PPP4R3A: variants seen among roughly 807,000 people sequenced by gnomAD.
The protein encoded by PPP4R3A is serine/threonine-protein phosphatase 4 regulatory subunit 3A.
A neutral mutation model predicts 91.7 loss-of-function variants in PPP4R3A; 15 were observed. That is an observed-to-expected ratio of 0.16 (90% CI 0.11 to 0.25). The LOEUF is 0.25. Among genes scored for constraint, PPP4R3A ranks in the 10% least tolerant of loss-of-function variants. PPP4R3A has a pLI of 1.00. For synonymous variants in PPP4R3A, 377 were observed against 348.7 expected, an observed-to-expected ratio of 1.08 and a Z score of -0.91; for missense variants, 623 against 998.4, an observed-to-expected ratio of 0.62 and a Z score of 5.07.
At chr14:91,479,085 C>T (rs754442318) in intron 4 of PPP4R3A, among the ~76,000 whole-genome samples, 7 of 152,042 alleles carry the variant, frequency 4.6e-5, no homozygotes, top group East Asian at 1.9e-4. Flanking sequence ...TGGATTCAAG[C>T]GATTCTCCTG....
At chr14:91,464,218 G>A (rs1054539618) in intron 11 of PPP4R3A, among the ~76,000 whole-genome samples, 27 of 152,036 alleles carry the variant, frequency 1.8e-4, no homozygotes, top group African/African-American at 6.3e-4. Context: ...CTACTCTAGA[G>A]GCTGAGGCAG....
At chr14:91,466,175 C>CTTCAA (rs1429457420) in intron 10 of PPP4R3A, 4 of 958,022 alleles carry the variant, frequency 4.2e-6, no homozygotes, top group Non-Finnish European at 5.0e-6. Context: ...GACAGCTAGA[C>CTTCAA]TTCAACAAAG....
chr14:91,486,261 T>A (rs992317184), intron 2 of PPP4R3A, among the ~76,000 whole-genome samples: 10 of 151,220 alleles, frequency 6.6e-5, no homozygotes, highest in South Asian at 2.1e-4. Flanking sequence ...TTTTTTTTTT[T>A]AAACTTAGCA....
At chr14:91,463,914 C>T (rs986879669) in intron 11 of PPP4R3A, among the ~76,000 whole-genome samples, 1 of 152,196 alleles carries the variant, frequency 6.6e-6, no homozygotes, top group Non-Finnish European at 1.5e-5. Context: ...TTCTCCTACT[C>T]TCTACCCTCA....
rs947345947 is a variant in PPP4R3A at position 91,458,549 on chromosome 14, C to G, written c.*210G>C. The G allele has an allele frequency of 1.4e-6, 1 of 708,130 alleles. No individual in the cohort carries two copies. Among genetic ancestry groups the G allele is most frequent in the South Asian group, 1.5e-5 (1 of 64,872 alleles). The allele number at this position is 708,130 out of a possible 1,614,324, so 43.9% of individuals were successfully genotyped here. A position where few individuals can be genotyped will look rare whatever the true frequency, so the allele number is the denominator to read the frequency against. ...GCAATGTGTGGTCCAAGCTGGAGAG[C>G]TCAAAGGCTTAAGTCTTTCCCCTAA... On this transcript the variant is annotated 3_prime_UTR_variant, in exon 15 of 15. Transcript: ENST00000554943.
rs765751223 is a variant in PPP4R3A at position 91,509,487 on chromosome 14, C to T, written c.142+19G>A. 20 of 1,573,146 alleles carry T rather than the reference C, an allele frequency of 1.3e-5. 1 individual carries two copies. The highest frequency in any genetic ancestry group is 3.3e-4 in the Middle Eastern group (2 of 6,032). On this transcript the variant is annotated intron_variant, in intron 1 of 14. Coordinates refer to ENST00000554943, the MANE Select transcript of PPP4R3A (RefSeq NM_001366432.2). The stretch of plus-strand genomic sequence containing the variant: ...GCCGTGGGGGCTGCGAGGGTCCCGC[C>T]GCGCGGGGCTTCACTTACCGTCGCT...
rs966466405 is a variant in PPP4R3A at position 91,461,387 on chromosome 14, A to T, written c.2385T>A (p.Thr795=). Residue 795 remains threonine (T), a synonymous_variant, in exon 14 of 15, where the codon ACT becomes ACA. Transcript: ENST00000554943. ...PKNTSQTAAI[T]TKGGLVGLVD... ...ATGGGAGTCAAGAATGTACCTTTGT[A>T]GTAATAGCTGCCGTCTGAGATGTAT... is the stretch of plus-strand genomic sequence containing the variant. 1 of 1,605,568 alleles carries T rather than the reference A, an allele frequency of 6.2e-7. No individual in the cohort carries two copies. The highest frequency in any genetic ancestry group is 1.7e-5 in the Admixed American group (1 of 59,880).
At chr14:91,475,641 A>T (rs1046079440) in intron 7 of PPP4R3A, 170 bp downstream of exon 7, 2 of 562,438 alleles carry the variant, frequency 3.6e-6, no homozygotes, top group Non-Finnish European at 6.1e-6. Flanking sequence ...TAGTTGCTGT[A>T]GGACAAATTG....
chr14:91,475,054 CAG>C (rs1345275547), intron 7 of PPP4R3A: 1 of 151,880 alleles, frequency 6.6e-6, no homozygotes, highest in African/African-American at 2.4e-5. Context: ...GAATTCTAAA[CAG>C]ATTTTTTTTT....
intron 10 of PPP4R3A, chr14:91,466,566 C>T: frequency 2.6e-6 from 1 of 385,446 alleles, no homozygotes; most frequent in Non-Finnish European, 3.6e-6. Context: ...TTAAGAAACA[C>T]TCTGGGCAGG....
chr14:91,462,072 C>T lies in PPP4R3A; in HGVS notation c.2141G>A (p.Ser714Asn). 1 of 1,524,740 alleles carries T rather than the reference C, an allele frequency of 6.6e-7. No individual in the cohort carries two copies. The highest frequency in any genetic ancestry group is 1.3e-5 in the South Asian group (1 of 77,144). The allele number at this position is 1,524,740 out of a possible 1,614,324, so 94.5% of individuals were successfully genotyped here. Reference sequence around the variant, plus strand: ...ACATTTCTTCCTTTCCATGAATTTACTTATTGGATCCATAATATCATCATC... The same window carrying T: ...ACATTTCTTCCTTTCCATGAATTTATTTATTGGATCCATAATATCATCATC... ...KNDDDIMDPI[S>N]KFMERKKLKE... Residue 714 changes from serine to asparagine, a missense_variant, in exon 13 of 15, where the codon AGT (serine) becomes AAT (asparagine). Physicochemically the swap from Ser to Asn is conservative, Grantham distance 46. Transcript: ENST00000554943.
chr14:91,502,253 C>A (rs1440704940), intron 1 of PPP4R3A, among the ~76,000 whole-genome samples: 2 of 152,004 alleles, frequency 1.3e-5, no homozygotes, highest in East Asian at 3.9e-4. Flanking sequence ...GATCCCACCT[C>A]CCCTGAAAAA....
chr14:91,466,123 G>A (rs1300659147), intron 10 of PPP4R3A: 1 of 435,766 alleles, frequency 2.3e-6, no homozygotes, highest in East Asian at 1.6e-4. Context: ...GAGGTATGGG[G>A]AGTTACTTAA....
At chr14:91,501,931 C>G (rs1209749061) in intron 1 of PPP4R3A, among the ~76,000 whole-genome samples, 1 of 140,410 alleles carries the variant, frequency 7.1e-6, no homozygotes, top group Admixed American at 7.8e-5. Context: ...ACCATGTTAG[C>G]CAGGATGGTC....
chr14:91,487,433 A>G (rs187431694), intron 2 of PPP4R3A, among the ~76,000 whole-genome samples: 578 of 152,294 alleles, frequency 3.8e-3, no homozygotes, highest in Non-Finnish European at 6.1e-3. Context: ...GCTAACTTCA[A>G]AATCTGAAGG....
intron 1 of PPP4R3A, among the ~76,000 whole-genome samples, chr14:91,493,493 T>G (rs1890352731): frequency 6.7e-6 from 1 of 149,414 alleles, no homozygotes; most frequent in South Asian, 2.1e-4. Flanking sequence ...TGATAAGAGA[T>G]CCTGTCTCAA....
chr14:91,498,110 G>C (rs1221302683), intron 1 of PPP4R3A, among the ~76,000 whole-genome samples: 1 of 152,138 alleles, frequency 6.6e-6, no homozygotes, highest in Non-Finnish European at 1.5e-5. Flanking sequence ...CAAGGTAGGC[G>C]AATCACTTGA....
At chr14:91,496,903 A>G (rs956974638) in intron 1 of PPP4R3A, among the ~76,000 whole-genome samples, 3 of 152,084 alleles carry the variant, frequency 2.0e-5, no homozygotes, top group African/African-American at 7.2e-5. Context: ...GCCAAGTTAT[A>G]AACACTAAAC....
At chr14:91,487,293 CAATA>C (rs941471847) in intron 2 of PPP4R3A, among the ~76,000 whole-genome samples, 4 of 137,532 alleles carry the variant, frequency 2.9e-5, no homozygotes, top group Admixed American at 2.2e-4. Context: ...ATCTTACTGG[CAATA>C]AATAAATATA....
Sources: allele counts gnomAD v4.1 joint callset (sites outside exome capture counted in the v4.1 genomes callset), GRCh38; gene constraint gnomAD v4.1.1; transcripts MANE v1.5; gene names NCBI Gene and HGNC (gene_info 2026-07-23, HGNC 2026-07-21).